The following DPP8 variants were observed in gnomAD, a reference collection of about 807,000 sequenced individuals.
The protein encoded by DPP8 is DPP VIII.
DPP8 carries 31 observed loss-of-function variants against 107.5 expected under a neutral mutation model. The observed-to-expected ratio is 0.29, with a 90% CI of 0.22 to 0.39. DPP8 has a LOEUF of 0.39. Among genes scored for constraint, DPP8 ranks in the 10% least tolerant of loss-of-function variants. The probability of loss-of-function intolerance (pLI) is 1.00; values close to 1 mark genes in which losing one functional copy is unlikely to be tolerated. For synonymous variants in DPP8, 381 were observed against 356.6 expected (o/e 1.07, Z -0.77); for missense variants, 842 against 1,076.1 (o/e 0.78, Z 3.04).
chr15:65,480,503 C>T (rs1369663420), intron 9 of DPP8, 104 bp from the exon 10 acceptor site: 2 of 680,652 alleles, frequency 2.9e-6, no homozygotes, highest in Non-Finnish European at 4.7e-6. Context: ...CTGTAATCAC[C>T]ATGAAAGAAC....
rs1359581842 is a variant in DPP8, at chr15:65,463,899, A to C, written c.1833T>G (p.Leu611=). The part of the protein sequence containing the change: ...WATILDSAGP[L]PDYTPPEIFS... ...AAATTTCTGGAGGAGTATAGTCAGGAAGAGGACCTGTGAATAGGTAACATA... is the reference window on the plus strand; with the variant it reads ...AAATTTCTGGAGGAGTATAGTCAGGCAGAGGACCTGTGAATAGGTAACATA... Residue 611 remains leucine (L), a synonymous_variant, in exon 15 of 20, where the codon CTT becomes CTG. Transcript: ENST00000300141. The C allele has an allele frequency of 6.4e-7, 1 of 1,573,124 alleles. No individual in the cohort carries two copies. Among genetic ancestry groups the C allele is most frequent in the Admixed American group, 1.9e-5 (1 of 51,376 alleles).
chr15:65,486,407 A>C (rs2067444896), intron 7 of DPP8, among the ~76,000 whole-genome samples: 1 of 151,840 alleles, frequency 6.6e-6, no homozygotes, highest in African/African-American at 2.4e-5. Flanking sequence ...AAACAAAAAC[A>C]AAAAACAAAA....
At chr15:65,469,791 G>A (rs907386936) in intron 12 of DPP8, among the ~76,000 whole-genome samples, 3 of 151,696 alleles carry the variant, frequency 2.0e-5, no homozygotes, top group South Asian at 2.1e-4. Context: ...GGCCGAGATC[G>A]TACCACTGCA....
intron 6 of DPP8, among the ~76,000 whole-genome samples, chr15:65,489,706 C>A (rs1050984781): frequency 1.3e-5 from 2 of 151,500 alleles, no homozygotes; most frequent in African/African-American, 4.9e-5. Context: ...GCGTAAGCCA[C>A]CACGCCCGGC....
intron 12 of DPP8, among the ~76,000 whole-genome samples, chr15:65,472,806 G>A (rs1243238029): frequency 2.6e-5 from 4 of 152,086 alleles, no homozygotes; most frequent in African/African-American, 9.7e-5. Flanking sequence ...TCAGGAGGCC[G>A]AGACAGGTGG....
At chr15:65,516,661 T>C (rs994937968) in intron 1 of DPP8, 1 of 152,116 alleles carries the variant, frequency 6.6e-6, no homozygotes, top group Non-Finnish European at 1.5e-5. Flanking sequence ...ACTCAGAAAA[T>C]AGCTTTAGGA....
chr15:65,504,862 A>T (rs2069756208), intron 3 of DPP8, among the ~76,000 whole-genome samples: 1 of 152,016 alleles, frequency 6.6e-6, no homozygotes, highest in Admixed American at 6.6e-5. Context: ...ATATGCCTGT[A>T]GTCCCAGCTA....
At chr15:65,470,156 C>A (rs1299535448) in intron 12 of DPP8, among the ~76,000 whole-genome samples, 2 of 123,766 alleles carry the variant, frequency 1.6e-5, no homozygotes, top group East Asian at 5.4e-4. Context: ...GATCGCACTA[C>A]TGCACTCCAG....
chr15:65,480,427 C>G (rs1384416948), intron 9 of DPP8, 28 bp from the exon 10 acceptor site: 9 of 1,564,132 alleles, frequency 5.8e-6, no homozygotes, highest in Non-Finnish European at 7.8e-6. Flanking sequence ...AGAGAAGAAC[C>G]AGAAATAAAG....
At chr15:65,465,772 G>C (rs1232959475) in intron 14 of DPP8, among the ~76,000 whole-genome samples, 1 of 150,398 alleles carries the variant, frequency 6.6e-6, no homozygotes, top group Non-Finnish European at 1.5e-5. Context: ...TAGCCAGGAT[G>C]GTCTCGATCT....
chr15:65,446,746 C>A lies in DPP8; in HGVS notation c.*138G>T. On this transcript the variant is annotated 3_prime_UTR_variant, in exon 20 of 20. Transcript: ENST00000300141. ...CCACAAACCGTAGACCCCTGCATGGCACCACATTTATTTTCAGGAGTAGAT... is the reference window on the plus strand; with the variant it reads ...CCACAAACCGTAGACCCCTGCATGGAACCACATTTATTTTCAGGAGTAGAT... 1 of 825,616 alleles carries A rather than the reference C, an allele frequency of 1.2e-6. No individual in the cohort carries two copies. Among genetic ancestry groups the A allele is most frequent in the African/African-American group, 1.8e-5 (1 of 55,770 alleles). The allele number at this position is 825,616 out of a possible 1,614,324, so 51.1% of individuals were successfully genotyped here. A position where few individuals can be genotyped will look rare whatever the true frequency, so the allele number is the denominator to read the frequency against.
At position 65,512,500 on chromosome 15, in the gene DPP8, C is replaced by T. The variant is rs61744938; in HGVS notation, c.54G>A (p.Ala18=). Residue 18 remains alanine, a synonymous_variant, in exon 2 of 20, where the codon GCG becomes GCA. Transcript: ENST00000300141. ...EQLGVEIFET[A]DCEENIESQD... Reference sequence around the variant, plus strand: ...GTGATTCAATATTCTCCTCACAGTCCGCAGTTTCAAATATCTCAACACCCA... The same window carrying T: ...GTGATTCAATATTCTCCTCACAGTCTGCAGTTTCAAATATCTCAACACCCA... 41,213 of 1,614,018 alleles carry T rather than the reference C, an allele frequency of 0.026. 582 individuals carry two copies. The highest frequency in any genetic ancestry group is 0.031 in the Middle Eastern group (188 of 6,062).
chr15:65,464,458 G>C (rs1362880210), intron 14 of DPP8, among the ~76,000 whole-genome samples: 3 of 152,148 alleles, frequency 2.0e-5, no homozygotes, highest in Admixed American at 6.6e-5. Context: ...GAGGTGGGTG[G>C]ATTGCTTGAG....
At chr15:65,448,872 A>ATATATGTGTG (rs1555444639) in intron 19 of DPP8, among the ~76,000 whole-genome samples, 12 of 8,344 alleles carry the variant, frequency 1.4e-3, no homozygotes, top group African/African-American at 4.1e-3. Flanking sequence ...TAAAATATAT[A>ATATATGTGTG]TATATATATA....
chr15:65,455,142 A>G (rs558436434), intron 16 of DPP8, among the ~76,000 whole-genome samples: 13 of 152,040 alleles, frequency 8.6e-5, no homozygotes, highest in African/African-American at 2.7e-4. Flanking sequence ...CTTTTTATCT[A>G]TTTTTTTGGA....
chr15:65,490,159 C>A (rs766125045), intron 6 of DPP8, 30 bp downstream of exon 6: 9 of 1,064,946 alleles, frequency 8.5e-6, no homozygotes. Flanking sequence ...CTTTAATTGA[C>A]CCATAATATA....
At chr15:65,481,370 AG>A (rs896349229) in intron 9 of DPP8, 144 bp downstream of exon 9, 1 of 615,882 alleles carries the variant, frequency 1.6e-6, no homozygotes, top group African/African-American at 1.9e-5. Context: ...ACTTAATTCA[AG>A]AAAAATGCCT....
intron 3 of DPP8, among the ~76,000 whole-genome samples, chr15:65,506,748 T>C (rs2070081502): frequency 6.7e-6 from 1 of 149,474 alleles, no homozygotes; most frequent in African/African-American, 2.4e-5. Flanking sequence ...ATTATATATA[T>C]ATGTTAAATA....
intron 2 of DPP8, among the ~76,000 whole-genome samples, chr15:65,507,613 A>C (rs867352630): frequency 2.4e-4 from 36 of 151,390 alleles, no homozygotes; most frequent in African/African-American, 3.1e-4. Context: ...ACTTGAACCT[A>C]GGAATTCAAG....
Sources: gnomAD v4.1 joint callset for allele counts (sites outside exome capture counted in the v4.1 genomes callset) on GRCh38, gnomAD v4.1.1 for gene constraint, MANE v1.5 for transcripts, NCBI Gene and HGNC (gene_info 2026-07-23, HGNC 2026-07-21) for gene names.